ARID1A: variants seen among roughly 807,000 people sequenced by gnomAD.
The protein encoded by ARID1A is AT-rich interactive domain-containing protein 1A.
ARID1A carries 20 observed loss-of-function variants against 212.6 expected under a neutral mutation model. That is an observed-to-expected ratio of 0.09 (90% confidence interval 0.07 to 0.14). ARID1A has a LOEUF of 0.14. Among genes scored for constraint, ARID1A ranks in the 10% least tolerant of loss-of-function variants. The pLI is 1.00. For synonymous variants in ARID1A, 1,376 were observed against 1,222.1 expected, an observed-to-expected ratio of 1.13 and a Z score of -2.63; for missense variants, 2,587 against 3,059.0, an observed-to-expected ratio of 0.85 and a Z score of 3.64.
At chr1:26,766,672 G>T in intron 10 of ARID1A, 106 bp downstream of exon 10, 1 of 1,144,168 alleles carries the variant, frequency 8.7e-7, no homozygotes. Flanking sequence ...TTATGACACC[G>T]GACTAGATAG....
chr1:26,781,273 G>A lies in ARID1A; in HGVS notation c.*517G>A, dbSNP rs750577664. The A allele has an allele frequency of 8.5e-5, 20 of 235,480 alleles. No individual in the cohort carries two copies. The South Asian group carries it at 1.2e-3, about 15-fold the overall frequency. 14.6% of individuals were successfully genotyped at this position (235,480 alleles called of 1,614,324 possible). ...CAATCTTGCAGGAGCCAAGAAGTTC[G>A]CAGTTGTGAACAGACCCTGTTCACT... On this transcript the variant is annotated 3_prime_UTR_variant, in exon 20 of 20. Coordinates refer to ENST00000324856, the MANE Select transcript of ARID1A (RefSeq NM_006015.6).
At chr1:26,744,624 C>T (rs532438152) in intron 4 of ARID1A, among the ~76,000 whole-genome samples, 13 of 152,272 alleles carry the variant, frequency 8.5e-5, no homozygotes, top group East Asian at 3.9e-4. Flanking sequence ...TTCTTTTGTA[C>T]CTGGAGCTTT....
At position 26,726,731 on chromosome 1, in the gene ARID1A, T is replaced by G. The variant is rs2080623080; in HGVS notation, c.1138-2920T>G. Among the ~76,000 whole-genome samples the G allele has an allele frequency of 2.0e-5, 3 of 152,324 alleles. No homozygotes were observed. In the South Asian group the frequency reaches 6.2e-4, roughly 32 times the overall value. On this transcript the variant is annotated intron_variant, in intron 1 of 19. Coordinates refer to ENST00000324856, the MANE Select transcript of ARID1A (RefSeq NM_006015.6). ...AGCCCAAGCTCTGTACTTTGGTATT[T>G]GGGAGAGCTTTGAAGATAAAACACC...
chr1:26,702,040 C>T (rs1472803062), intron 1 of ARID1A, among the ~76,000 whole-genome samples: 1 of 152,240 alleles, frequency 6.6e-6, no homozygotes, highest in South Asian at 2.1e-4. Context: ...TGATATTCTG[C>T]TGCTTTTGGG....
Position 26,766,539 on chromosome 1 carries a change from G to T in ARID1A, c.2961G>T (p.Gly987=), listed in dbSNP as rs374299130. 3.7e-6 allele frequency: 6 copies of T among 1,613,062 alleles called. No homozygotes were observed. The highest frequency in any genetic ancestry group is 5.1e-6 in the Non-Finnish European group (6 of 1,179,472). Reference sequence around the variant, plus strand: ...CCAAAATGAACAACAAGGCAGATGGGACACCCAAGACAGAATCCAAATCCA... The same window carrying T: ...CCAAAATGAACAACAAGGCAGATGGTACACCCAAGACAGAATCCAAATCCA... The part of the protein sequence containing the change: ...PATKMNNKAD[G]TPKTESKSKK... The change falls in exon 10 of 20, where the codon GGG becomes GGT. Residue 987 remains glycine, a synonymous_variant. Transcript: ENST00000324856.
chr1:26,747,684 CAAAAA>C (rs36091006), intron 4 of ARID1A, among the ~76,000 whole-genome samples: 1 of 124,448 alleles, frequency 8.0e-6, no homozygotes, highest in African/African-American at 3.0e-5. Flanking sequence ...CCATCTCTAC[CAAAAA>C]AAAAAAAAAA....
At chr1:26,734,161 A>G (rs969810499) in intron 4 of ARID1A, among the ~76,000 whole-genome samples, 1 of 151,988 alleles carries the variant, frequency 6.6e-6, no homozygotes, top group Admixed American at 6.6e-5. Flanking sequence ...GTGCTTTTTA[A>G]CCTGATTCAG....
intron 1 of ARID1A, among the ~76,000 whole-genome samples, chr1:26,704,505 A>G (rs894810890): frequency 1.3e-5 from 2 of 152,130 alleles, no homozygotes; most frequent in African/African-American, 2.4e-5. Flanking sequence ...ATTGAGGTTG[A>G]TGGGTTAGGT....
In ARID1A at chr1:26,760,929, G is replaced by C. The variant is rs2124054751; in HGVS notation, c.1994G>C (p.Gly665Ala). ...GALSPGVSTS[G>A]ISSSQGEQSN... ...CTGAGTCCTGGAGTGAGCACATCAG[G>C]GATTTCCAGCAGCCAAGGAGAGCAG... The change falls in exon 5 of 20, where the codon GGG becomes GCG. Residue 665 changes from glycine to alanine, a missense_variant. This residue lies in a region of ARID1A where 674 missense variants were observed against 813.4 expected (regional missense o/e 0.83). Transcript: ENST00000324856. The C allele has an allele frequency of 6.2e-7, 1 of 1,614,034 alleles. No homozygotes were observed. The highest frequency in any genetic ancestry group is 8.5e-7 in the Non-Finnish European group (1 of 1,180,006).
intron 7 of ARID1A, 40 bp downstream of exon 7, chr1:26,762,359 G>A (rs2081000625): frequency 1.3e-6 from 2 of 1,585,052 alleles, no homozygotes; most frequent in African/African-American, 2.7e-5. Context: ...ACGGGTGAGA[G>A]GAGAAAACAG....
intron 4 of ARID1A, among the ~76,000 whole-genome samples, chr1:26,742,874 G>A (rs2080801135): frequency 6.6e-6 from 1 of 152,156 alleles, no homozygotes; most frequent in African/African-American, 2.4e-5. Context: ...GGAAGCTGAG[G>A]CAGGAGAATC....
In ARID1A at chr1:26,714,073, A is replaced by T. The variant is rs76443253; in HGVS notation, c.1138-15578A>T. ...CTGTGAAGTGGTTAGGGAAAAAGAGAGTTAAATGTTGGCTAGTTTAGAATG... is the reference window on the plus strand; with the variant it reads ...CTGTGAAGTGGTTAGGGAAAAAGAGTGTTAAATGTTGGCTAGTTTAGAATG... On this transcript the variant is annotated intron_variant, in intron 1 of 19. Coordinates refer to ENST00000324856, the MANE Select transcript of ARID1A (RefSeq NM_006015.6). 1.4e-3 allele frequency among the ~76,000 whole-genome samples: 219 copies of T among 152,344 alleles called. 3 individuals are homozygous for T. In the East Asian group the frequency reaches 0.034, roughly 24 times the overall value.
chr1:26,733,128 G>A (rs762181542), intron 4 of ARID1A, among the ~76,000 whole-genome samples: 5 of 152,160 alleles, frequency 3.3e-5, no homozygotes, highest in Admixed American at 6.6e-5. Context: ...ACTCTTACAG[G>A]CTTAATTTTT....
chr1:26,719,419 A>G (rs1282672305), intron 1 of ARID1A, among the ~76,000 whole-genome samples: 4 of 152,148 alleles, frequency 2.6e-5, no homozygotes, highest in African/African-American at 9.7e-5. Context: ...TCTTCAGACC[A>G]TTGTTTGGCT....
At position 26,773,032 on chromosome 1, in the gene ARID1A, G is replaced by A. The variant is rs538912687; in HGVS notation, c.3715+45G>A. The stretch of plus-strand genomic sequence containing the variant: ...TTTGAACTTGTGCTCGTAAAGACAG[G>A]GCCAGTGAAATGGGGGGAAATCTTG... On this transcript the variant is annotated intron_variant, in intron 14 of 19. Coordinates refer to ENST00000324856, the MANE Select transcript of ARID1A (RefSeq NM_006015.6). 8.9e-6 allele frequency: 14 copies of A among 1,576,336 alleles called. No individual in the cohort carries two copies. In the East Asian group the frequency reaches 2.7e-4, roughly 31 times the overall value.
intron 1 of ARID1A, among the ~76,000 whole-genome samples, chr1:26,701,489 A>G (rs879891945): frequency 6.6e-5 from 10 of 152,202 alleles, no homozygotes; most frequent in Non-Finnish European, 1.3e-4. Context: ...CAGGACTCAC[A>G]ACAGGAGGAG....
chr1:26,699,192 A>G (rs1433576475), intron 1 of ARID1A, among the ~76,000 whole-genome samples: 1 of 152,184 alleles, frequency 6.6e-6, no homozygotes, highest in Non-Finnish European at 1.5e-5. Flanking sequence ...TTGTCTTCCA[A>G]GATATGAAGA....
At chr1:26,735,840 T>G (rs2080723963) in intron 4 of ARID1A, among the ~76,000 whole-genome samples, 1 of 152,194 alleles carries the variant, frequency 6.6e-6, no homozygotes, top group Non-Finnish European at 1.5e-5. Context: ...CATATGCTAT[T>G]TTTTGCTTTC....
rs2124741377 is a variant in ARID1A at position 26,696,736 on chromosome 1, C to A, written c.333C>A (p.Pro111=). Residue 111 remains proline (P), a synonymous_variant, in exon 1 of 20, where the codon CCC becomes CCA. Coordinates refer to ENST00000324856, the MANE Select transcript of ARID1A (RefSeq NM_006015.6). ...KNSNGNAGPR[P]ALNNNLTEPP... ...CGAACGGGAACGCGGGCCCTAGGCC[C>A]GCCCTGAACAATAACCTCACGGAGC... is the stretch of plus-strand genomic sequence containing the variant. The A allele has an allele frequency of 7.3e-7, 1 of 1,371,958 alleles. No homozygotes were observed. The highest frequency in any genetic ancestry group is 9.4e-7 in the Non-Finnish European group (1 of 1,064,708). The allele number at this position is 1,371,958 out of a possible 1,614,324, so 85.0% of individuals were successfully genotyped here.
Sources: gnomAD v4.1 joint callset for allele counts (sites outside exome capture counted in the v4.1 genomes callset) on GRCh38, gnomAD v4.1.1 for gene constraint, gnomAD v4.1.1 regional missense constraint, MANE v1.5 for transcripts, NCBI Gene and HGNC (gene_info 2026-07-23, HGNC 2026-07-21) for gene names.